RABGAP1L: variants seen among roughly 807,000 people sequenced by gnomAD.
The protein encoded by RABGAP1L is rab GTPase-activating protein 1-like.
A neutral mutation model predicts 137.7 loss-of-function variants in RABGAP1L; 63 were observed. That is an observed-to-expected ratio of 0.46 (90% CI 0.37 to 0.56). RABGAP1L has a LOEUF of 0.56. Among genes scored for constraint, RABGAP1L ranks in the 20% least tolerant of loss-of-function variants. The pLI is 0.00. For missense variants in RABGAP1L, 1,095 were observed against 1,244.0 expected (o/e 0.88, Z 1.80); for synonymous variants, 431 against 433.7 (o/e 0.99, Z 0.08).
intron 11 of RABGAP1L, among the ~76,000 whole-genome samples, chr1:174,349,446 C>A (rs1385319663): frequency 7.9e-6 from 1 of 127,276 alleles, no homozygotes; most frequent in Non-Finnish European, 1.7e-5. Flanking sequence ...GGCGGCTGGC[C>A]GGGCGTGGGG....
chr1:174,756,208 G>A (rs1684743456), intron 18 of RABGAP1L, among the ~76,000 whole-genome samples: 1 of 152,132 alleles, frequency 6.6e-6, no homozygotes, highest in Non-Finnish European at 1.5e-5. Flanking sequence ...CAGAGCGGTG[G>A]CACAATCTTG....
At chr1:174,700,243 A>C (rs1388436747) in intron 16 of RABGAP1L, among the ~76,000 whole-genome samples, 1 of 152,222 alleles carries the variant, frequency 6.6e-6, no homozygotes, top group Non-Finnish European at 1.5e-5. Flanking sequence ...AGGCAAAGTG[A>C]TTGACCAGAG....
chr1:174,807,151 A>AAG (rs1689382464), intron 18 of RABGAP1L, among the ~76,000 whole-genome samples: 1 of 152,226 alleles, frequency 6.6e-6, no homozygotes, highest in African/African-American at 2.4e-5. Flanking sequence ...AAATATGTGT[A>AAG]AGATATGTAT....
intron 14 of RABGAP1L, among the ~76,000 whole-genome samples, chr1:174,683,225 C>G (rs935849485): frequency 6.6e-6 from 1 of 152,002 alleles, no homozygotes; most frequent in African/African-American, 2.4e-5. Flanking sequence ...TGGCCTCATA[C>G]AGCTGATCTC....
chr1:174,343,547 T>A (rs1682167695), intron 11 of RABGAP1L, among the ~76,000 whole-genome samples: 1 of 152,226 alleles, frequency 6.6e-6, no homozygotes, highest in African/African-American at 2.4e-5. Flanking sequence ...TTTTAAATAT[T>A]TATCGGGCTA....
rs114858127 is a variant in RABGAP1L, at chr1:174,206,731, G to A, written c.-33-12394G>A. On this transcript the variant is annotated intron_variant, in intron 1 of 25. Coordinates refer to ENST00000681986, the MANE Select transcript of RABGAP1L (RefSeq NM_001366446.1). ...ACGTGCACTGTGATTGCACACTTTC[G>A]AATATGTTACGTTATTTTGGGAAGA... Among the ~76,000 whole-genome samples the A allele has an allele frequency of 9.6e-3, 1,463 of 152,220 alleles. 7 individuals carry two copies. The highest frequency in any genetic ancestry group is 0.016 in the Non-Finnish European group (1,055 of 67,996).
At position 174,448,860 on chromosome 1, in the gene RABGAP1L, A is replaced by T. The variant is rs1201915175; in HGVS notation, c.1710+54715A>T. The stretch of plus-strand genomic sequence containing the variant: ...GCCCGATTCCCTAGTCATGAGGTAG[A>T]TTCTTCCAGAGAGACTGGACACAGC... On this transcript the variant is annotated intron_variant, in intron 13 of 25. Coordinates refer to ENST00000681986, the MANE Select transcript of RABGAP1L (RefSeq NM_001366446.1). This position sits in a 1 kb window ranked among gnomAD's most constrained non-coding sequence, Gnocchi z 4.2. 6.2e-7 allele frequency: 1 copy of T among 1,614,080 alleles called. No individual in the cohort carries two copies. The highest frequency in any genetic ancestry group is 8.5e-7 in the Non-Finnish European group (1 of 1,179,928).
intron 21 of RABGAP1L, among the ~76,000 whole-genome samples, chr1:174,971,929 C>G (rs1388620824): frequency 6.6e-6 from 1 of 152,238 alleles, no homozygotes; most frequent in Non-Finnish European, 1.5e-5. Context: ...AAATTAGGTT[C>G]TTTGCAAAAA....
At chr1:174,582,299 A>G (rs1206211569) in intron 13 of RABGAP1L, among the ~76,000 whole-genome samples, 1 of 151,578 alleles carries the variant, frequency 6.6e-6, no homozygotes, top group African/African-American at 2.4e-5. Context: ...AAAATAAAAA[A>G]TGTAGATCTG....
At chr1:174,264,341 T>G (rs969587259) in intron 7 of RABGAP1L, among the ~76,000 whole-genome samples, 1 of 152,138 alleles carries the variant, frequency 6.6e-6, no homozygotes, top group African/African-American at 2.4e-5. Context: ...ACTTGTATAC[T>G]CTATTTTATT....
rs1297471510 is a variant in RABGAP1L, at chr1:174,958,269, A to G, written c.2433+720A>G. 4.5e-6 allele frequency: 5 copies of G among 1,102,314 alleles called. No individual in the cohort carries two copies. In the Admixed American group the frequency reaches 1.2e-4, roughly 26 times the overall value. 68.3% of individuals were successfully genotyped at this position (1,102,314 alleles called of 1,614,324 possible). A position where few individuals can be genotyped will look rare whatever the true frequency, so the allele number is the denominator to read the frequency against. ...TATTTGAGTTAAAGTATGAAGTTTC[A>G]GAATCAAAATAATTTCATTTTAATA... On this transcript the variant is annotated intron_variant, in intron 20 of 25. Coordinates refer to ENST00000681986, the MANE Select transcript of RABGAP1L (RefSeq NM_001366446.1).
rs190043440 is a variant in RABGAP1L at position 174,667,902 on chromosome 1, A to G, written c.1825-15620A>G. Among the ~76,000 whole-genome samples the G allele has an allele frequency of 2.0e-5, 3 of 152,324 alleles. No individual in the cohort carries two copies. The East Asian group carries it at 5.8e-4, about 29-fold the overall frequency. Reference sequence around the variant, plus strand: ...ACTTTGTATATGCCTTACTAAGCACAGTGTTTGATATACGATAGGTGCTCA... The same window carrying G: ...ACTTTGTATATGCCTTACTAAGCACGGTGTTTGATATACGATAGGTGCTCA... On this transcript the variant is annotated intron_variant, in intron 14 of 25. Coordinates refer to ENST00000681986, the MANE Select transcript of RABGAP1L (RefSeq NM_001366446.1).
intron 9 of RABGAP1L, 45 bp downstream of exon 9, chr1:174,275,980 T>C (rs374751630): frequency 1.3e-6 from 2 of 1,487,588 alleles, no homozygotes; most frequent in Admixed American, 3.5e-5. Flanking sequence ...TTACATTTTA[T>C]ATTATGAACA....
At chr1:174,477,415 A>T (rs1333352932) in intron 13 of RABGAP1L, among the ~76,000 whole-genome samples, 2 of 152,228 alleles carry the variant, frequency 1.3e-5, no homozygotes, top group African/African-American at 4.8e-5. Context: ...CTTCTGAGCA[A>T]TCAAGTAAGC....
At chr1:174,936,393 AG>A (rs1664798175) in intron 19 of RABGAP1L, among the ~76,000 whole-genome samples, 1 of 152,102 alleles carries the variant, frequency 6.6e-6, no homozygotes, top group Non-Finnish European at 1.5e-5. Flanking sequence ...GCTTGAGCCC[AG>A]GAATTCAAGA....
intron 13 of RABGAP1L, among the ~76,000 whole-genome samples, chr1:174,584,188 T>C (rs1244814183): frequency 1.3e-5 from 2 of 152,180 alleles, no homozygotes; most frequent in African/African-American, 2.4e-5. Flanking sequence ...AATGTCAACA[T>C]AATCAGATCA....
intron 12 of RABGAP1L, among the ~76,000 whole-genome samples, chr1:174,386,561 G>A (rs2149063145): frequency 6.6e-6 from 1 of 151,754 alleles, no homozygotes; most frequent in East Asian, 1.9e-4. Context: ...AGGCTGGAGT[G>A]CAATGGGGCG....
intron 13 of RABGAP1L, among the ~76,000 whole-genome samples, chr1:174,596,352 C>G (rs1440966140): frequency 1.3e-5 from 2 of 152,094 alleles, no homozygotes; most frequent in Non-Finnish European, 2.9e-5. Flanking sequence ...CGGAGCTGTT[C>G]CTATTCGGCC....
chr1:174,484,283 C>G (rs1341888626), intron 13 of RABGAP1L, among the ~76,000 whole-genome samples: 1 of 151,990 alleles, frequency 6.6e-6, no homozygotes, highest in African/African-American at 2.4e-5. Context: ...GTTTGAGAAC[C>G]TTATAGATTC....
Sources: gnomAD v4.1 joint callset for allele counts (sites outside exome capture counted in the v4.1 genomes callset) on GRCh38, gnomAD v4.1.1 for gene constraint, Gnocchi (gnomAD v3.1) non-coding constraint, MANE v1.5 for transcripts, NCBI Gene and HGNC (gene_info 2026-07-23, HGNC 2026-07-21) for gene names.